MCTP1: variants seen among roughly 807,000 people sequenced by gnomAD.
The protein encoded by MCTP1 is multiple C2 and transmembrane domain containing 1, also known as multiple C2 and transmembrane domain-containing protein 1.
MCTP1 carries 69 observed loss-of-function variants against 120.6 expected under a neutral mutation model. The observed-to-expected ratio is 0.57, with a 90% confidence interval of 0.47 to 0.70. The LOEUF (loss-of-function observed/expected upper bound fraction) is 0.70, where lower values mean the gene tolerates loss of function less well. Ranked by LOEUF, MCTP1 falls within the 30% of genes least tolerant of loss-of-function variation. The pLI is 0.00. For missense variants in MCTP1, 1,203 were observed against 1,248.8 expected, an observed-to-expected ratio of 0.96 and a Z score of 0.55; for synonymous variants, 529 against 493.1, an observed-to-expected ratio of 1.07 and a Z score of -0.96.
chr5:94,937,189 C>T (rs1197209169), intron 5 of MCTP1, among the ~76,000 whole-genome samples: 1 of 152,074 alleles, frequency 6.6e-6, no homozygotes, highest in South Asian at 2.1e-4. Flanking sequence ...GGAGAGAAGA[C>T]GCTATTTCCC....
intron 19 of MCTP1, among the ~76,000 whole-genome samples, chr5:94,723,461 A>C (rs1007809157): frequency 2.6e-5 from 4 of 152,226 alleles, no homozygotes; most frequent in African/African-American, 9.6e-5. Context: ...CAGGTGACTC[A>C]GTGTTAACTT....
chr5:95,179,124 A>C (rs1748334667), intron 1 of MCTP1, among the ~76,000 whole-genome samples: 1 of 152,216 alleles, frequency 6.6e-6, no homozygotes, highest in Admixed American at 6.5e-5. Context: ...AATCTGACAA[A>C]GACAAAGACA....
intron 17 of MCTP1, among the ~76,000 whole-genome samples, chr5:94,806,058 G>A (rs1782200907): frequency 1.3e-5 from 2 of 151,680 alleles, no homozygotes; most frequent in South Asian, 4.2e-4. Context: ...GGTTTGGTAT[G>A]GCAAAGAGGT....
At chr5:95,088,765 C>T (rs1755631223) in intron 1 of MCTP1, among the ~76,000 whole-genome samples, 1 of 152,114 alleles carries the variant, frequency 6.6e-6, no homozygotes, top group South Asian at 2.1e-4. Flanking sequence ...TCATAATAAG[C>T]CTGTGAAATA....
At chr5:95,192,005 C>T (rs1003892411) in intron 1 of MCTP1, among the ~76,000 whole-genome samples, 4 of 151,934 alleles carry the variant, frequency 2.6e-5, no homozygotes, top group African/African-American at 7.2e-5. Context: ...TGTCAGAATC[C>T]TAACTATACA....
In MCTP1 at chr5:94,732,232, C is replaced by T. The variant is rs143694946; in HGVS notation, c.2611-17346G>A. Among the ~76,000 whole-genome samples, 86 of 152,300 alleles carry T rather than the reference C, an allele frequency of 5.6e-4. 1 individual carries two copies. In the South Asian group the frequency reaches 8.1e-3, roughly 14 times the overall value. Reference sequence around the variant, plus strand: ...AGTGTGCATCCATCTAAAGCAAGCTCGTCCAATCCATGGCCTGCATGCAGC... The same window carrying T: ...AGTGTGCATCCATCTAAAGCAAGCTTGTCCAATCCATGGCCTGCATGCAGC... On this transcript the variant is annotated intron_variant, in intron 19 of 22. Transcript: ENST00000515393.
At chr5:94,813,702 A>G (rs1248085249) in intron 17 of MCTP1, among the ~76,000 whole-genome samples, 2 of 152,156 alleles carry the variant, frequency 1.3e-5, no homozygotes, top group African/African-American at 4.8e-5. Context: ...CCTGGGCAAC[A>G]TAGTGAGACC....
At chr5:94,838,674 G>A (rs1790336660) in intron 17 of MCTP1, among the ~76,000 whole-genome samples, 1 of 152,194 alleles carries the variant, frequency 6.6e-6, no homozygotes. Context: ...TTAGCATCCA[G>A]CACCGTCTAG....
chr5:94,743,434 TAAGA>T (rs1766053407), intron 19 of MCTP1, among the ~76,000 whole-genome samples: 1 of 151,476 alleles, frequency 6.6e-6, no homozygotes, highest in African/African-American at 2.4e-5. Flanking sequence ...GAAGGTGAGA[TAAGA>T]GAGAAAGTGA....
intron 1 of MCTP1, among the ~76,000 whole-genome samples, chr5:95,111,469 C>A (rs1237327282): frequency 6.6e-6 from 1 of 152,042 alleles, no homozygotes; most frequent in Non-Finnish European, 1.5e-5. Context: ...AAGTTTAGAC[C>A]CTAATTTTTA....
chr5:94,838,286 A>G (rs188871568), intron 17 of MCTP1, among the ~76,000 whole-genome samples: 12 of 152,346 alleles, frequency 7.9e-5, no homozygotes, highest in African/African-American at 2.4e-4. Flanking sequence ...CCCTAATTCC[A>G]AAAGGACAGT....
At chr5:95,185,638 C>T (rs1403212337) in intron 1 of MCTP1, among the ~76,000 whole-genome samples, 1 of 151,074 alleles carries the variant, frequency 6.6e-6, no homozygotes, top group Non-Finnish European at 1.5e-5. Context: ...GAAAATTAGC[C>T]AGGCATGGCA....
At chr5:95,148,435 A>G (rs1422333236) in intron 1 of MCTP1, among the ~76,000 whole-genome samples, 1 of 152,196 alleles carries the variant, frequency 6.6e-6, no homozygotes, top group East Asian at 1.9e-4. Flanking sequence ...ACTGATTTGA[A>G]TGAAAGTAGT....
intron 12 of MCTP1, among the ~76,000 whole-genome samples, chr5:94,882,414 TAGTA>T (rs923710366): frequency 6.6e-6 from 1 of 152,030 alleles, no homozygotes; most frequent in African/African-American, 2.4e-5. Context: ...AGTATCTCTG[TAGTA>T]AGTTTTTTTT....
intron 1 of MCTP1, among the ~76,000 whole-genome samples, chr5:95,240,755 A>G (rs927803262): frequency 6.6e-6 from 1 of 152,160 alleles, no homozygotes; most frequent in Non-Finnish European, 1.5e-5. Flanking sequence ...CTGAAGTCTT[A>G]GCAGTGTGCC....
intron 1 of MCTP1, among the ~76,000 whole-genome samples, chr5:95,205,910 A>G (rs1218038938): frequency 6.6e-6 from 1 of 151,964 alleles, no homozygotes; most frequent in African/African-American, 2.4e-5. Flanking sequence ...ATGTGGAAAA[A>G]CTAGGATATT....
intron 1 of MCTP1, among the ~76,000 whole-genome samples, chr5:95,170,076 CT>C (rs1401818591): frequency 6.6e-6 from 1 of 152,230 alleles, no homozygotes; most frequent in Non-Finnish European, 1.5e-5. Context: ...CTACACACTG[CT>C]TTGAATGTGT....
chr5:95,018,862 T>A (rs1466534632), intron 1 of MCTP1, among the ~76,000 whole-genome samples: 2 of 151,820 alleles, frequency 1.3e-5, no homozygotes, highest in African/African-American at 4.8e-5. Flanking sequence ...AACAAAGGAG[T>A]AAAAAGTAAA....
At chr5:95,231,139 A>G (rs901629456) in intron 1 of MCTP1, among the ~76,000 whole-genome samples, 1 of 152,200 alleles carries the variant, frequency 6.6e-6, no homozygotes, top group Non-Finnish European at 1.5e-5. Context: ...AAAGACTGAA[A>G]ATTTTTAAAT....
Sources: gnomAD v4.1 joint callset for allele counts (sites outside exome capture counted in the v4.1 genomes callset) on GRCh38, gnomAD v4.1.1 for gene constraint, MANE v1.5 for transcripts, NCBI Gene and HGNC (gene_info 2026-07-23, HGNC 2026-07-21) for gene names.